EPHB1: variants seen among roughly 807,000 people sequenced by gnomAD.
EPHB1 encodes ephrin type-B receptor 1.
EPHB1 carries 30 observed loss-of-function variants against 94.4 expected under a neutral mutation model. The observed-to-expected ratio is 0.32, with a 90% CI of 0.24 to 0.43. The LOEUF is 0.43. Ranked by LOEUF, EPHB1 falls within the 20% of genes least tolerant of loss-of-function variation. The probability of loss-of-function intolerance (pLI) is 1.00; values close to 1 mark genes in which losing one functional copy is unlikely to be tolerated. For synonymous variants in EPHB1, 522 were observed against 489.1 expected (o/e 1.07, Z -0.89); for missense variants, 1,055 against 1,308.3 (o/e 0.81, Z 2.99).
intron 1 of EPHB1, among the ~76,000 whole-genome samples, chr3:134,840,054 A>G (rs1392950224): frequency 6.6e-6 from 1 of 152,010 alleles, no homozygotes; most frequent in African/African-American, 2.4e-5. Context: ...CTTTTTTTCT[A>G]CACTCCCCTC....
At chr3:134,898,305 T>C (rs1432327515) in intron 1 of EPHB1, among the ~76,000 whole-genome samples, 1 of 152,032 alleles carries the variant, frequency 6.6e-6, no homozygotes, top group African/African-American at 2.4e-5. Flanking sequence ...TGAAAAAAAA[T>C]CACTTGATCA....
At chr3:134,868,671 T>A (rs137919743) in intron 1 of EPHB1, among the ~76,000 whole-genome samples, 4 of 152,340 alleles carry the variant, frequency 2.6e-5, no homozygotes, top group African/African-American at 9.6e-5. Context: ...TATTGAGACC[T>A]ACTATGTGTC....
chr3:134,989,520 C>CACACAT (rs978206693), intron 3 of EPHB1, among the ~76,000 whole-genome samples: 2 of 150,194 alleles, frequency 1.3e-5, no homozygotes, highest in East Asian at 3.9e-4. Flanking sequence ...CACACACACA[C>CACACAT]ATATATGTGA....
intron 3 of EPHB1, among the ~76,000 whole-genome samples, chr3:135,086,930 T>C (rs959562): frequency 0.11 from 17,356 of 152,220 alleles, 1,310 homozygotes; most frequent in African/African-American, 0.22. Flanking sequence ...AGCTGTTCTC[T>C]ATTTTTTGCC....
intron 4 of EPHB1, among the ~76,000 whole-genome samples, chr3:135,119,638 G>A (rs892468940): frequency 1.1e-4 from 17 of 152,148 alleles, no homozygotes; most frequent in Non-Finnish European, 1.6e-4. Flanking sequence ...TTTTAGTAGA[G>A]GTGGGGTTTT....
intron 9 of EPHB1, among the ~76,000 whole-genome samples, chr3:135,176,354 A>G (rs1206189324): frequency 6.6e-6 from 1 of 152,188 alleles, no homozygotes; most frequent in African/African-American, 2.4e-5. Context: ...GCTTTCCTCA[A>G]TTTCAGGGGA....
chr3:135,092,988 G>A (rs1321909520), intron 3 of EPHB1, among the ~76,000 whole-genome samples: 3 of 152,090 alleles, frequency 2.0e-5, no homozygotes, highest in Non-Finnish European at 4.4e-5. Flanking sequence ...TGCATTGGGG[G>A]CTCCTCCAGA....
chr3:134,830,396 T>C (rs1278285400), intron 1 of EPHB1, among the ~76,000 whole-genome samples: 3 of 152,234 alleles, frequency 2.0e-5, no homozygotes, highest in African/African-American at 7.2e-5. Context: ...TATTGCAAAA[T>C]GATATTTCTT....
chr3:134,970,765 G>A (rs928904673), intron 3 of EPHB1, among the ~76,000 whole-genome samples: 23 of 152,160 alleles, frequency 1.5e-4, no homozygotes, highest in Non-Finnish European at 3.2e-4. Context: ...TATCAGATGC[G>A]AGCTGGACTC....
chr3:134,991,669 A>AC (rs764121664), intron 3 of EPHB1, among the ~76,000 whole-genome samples: 43 of 151,936 alleles, frequency 2.8e-4, no homozygotes, highest in Admixed American at 2.3e-3. Flanking sequence ...CTGGCTGAGC[A>AC]CCCCTACTGA....
intron 1 of EPHB1, among the ~76,000 whole-genome samples, chr3:134,899,742 A>G (rs1057300492): frequency 2.0e-5 from 3 of 152,186 alleles, no homozygotes; most frequent in Non-Finnish European, 2.9e-5. Context: ...TGGCATGATC[A>G]TAGCTCACTG....
chr3:135,130,900 G>C (rs114636697), intron 4 of EPHB1, among the ~76,000 whole-genome samples: 1 of 152,198 alleles, frequency 6.6e-6, no homozygotes, highest in Non-Finnish European at 1.5e-5. Flanking sequence ...AACAAGAGTT[G>C]CGTTGACTGC....
At chr3:135,228,591 A>G (rs912448511) in intron 12 of EPHB1, among the ~76,000 whole-genome samples, 3 of 152,164 alleles carry the variant, frequency 2.0e-5, no homozygotes, top group Non-Finnish European at 4.4e-5. Context: ...CAAAGCATCA[A>G]TGTTTTTTCC....
rs1429049745 is a variant in EPHB1, at chr3:135,249,320, A to G, written c.2691-16A>G. The G allele has an allele frequency of 3.7e-6, 6 of 1,604,194 alleles. No homozygotes were observed. The highest frequency in any genetic ancestry group is 1.7e-5 in the Admixed American group (1 of 59,510). On this transcript the variant is annotated splice_polypyrimidine_tract_variant and intron_variant, in intron 14 of 15. Coordinates refer to ENST00000398015, the MANE Select transcript of EPHB1 (RefSeq NM_004441.5). ...CTCTGCAATGTGTGGTCACCTGCCC[A>G]TCTCTGTCTCACCAGGCCTTCCCAG...
intron 3 of EPHB1, among the ~76,000 whole-genome samples, chr3:135,082,991 C>T (rs1238314869): frequency 1.3e-5 from 2 of 152,094 alleles, no homozygotes; most frequent in Non-Finnish European, 2.9e-5. Flanking sequence ...GTGCGAGGGG[C>T]CTGAGCAATT....
intron 1 of EPHB1, among the ~76,000 whole-genome samples, chr3:134,834,062 G>C (rs1056608616): frequency 5.3e-5 from 8 of 152,012 alleles, no homozygotes; most frequent in African/African-American, 1.9e-4. Context: ...GATGGGGTGT[G>C]GTGGAAAAAA....
intron 1 of EPHB1, among the ~76,000 whole-genome samples, chr3:134,894,685 G>A (rs1164339635): frequency 6.6e-6 from 1 of 152,232 alleles, no homozygotes; most frequent in Non-Finnish European, 1.5e-5. Context: ...TCAGTACCCA[G>A]ACTCTCTGCT....
At chr3:134,864,392 A>G (rs1036438277) in intron 1 of EPHB1, among the ~76,000 whole-genome samples, 1 of 152,112 alleles carries the variant, frequency 6.6e-6, no homozygotes, top group African/African-American at 2.4e-5. Flanking sequence ...CTCTGTCTGG[A>G]TACCTGGGCA....
At chr3:135,128,799 G>A (rs931070290) in intron 4 of EPHB1, among the ~76,000 whole-genome samples, 1 of 152,180 alleles carries the variant, frequency 6.6e-6, no homozygotes, top group South Asian at 2.1e-4. Context: ...AGTTACGGGA[G>A]TAAATGAGTG....
Sources: allele counts gnomAD v4.1 joint callset (sites outside exome capture counted in the v4.1 genomes callset), GRCh38; gene constraint gnomAD v4.1.1; transcripts MANE v1.5; gene names NCBI Gene and HGNC (gene_info 2026-07-23, HGNC 2026-07-21).